Variants in NKAIN3 observed in about 807,000 individuals in gnomAD.
NKAIN3 encodes sodium/potassium-transporting ATPase subunit beta-1-interacting protein 3.
NKAIN3 carries 25 observed loss-of-function variants against 30.2 expected under a neutral mutation model. The observed-to-expected ratio is 0.83, with a 90% CI of 0.60 to 1.16. The LOEUF is 1.16. Ranked by LOEUF, NKAIN3 falls within the 50% of genes most tolerant of loss-of-function variation. The pLI is 0.00. For missense variants in NKAIN3, 225 were observed against 254.1 expected (o/e 0.89, Z 0.78); for synonymous variants, 91 against 89.6 (o/e 1.02, Z -0.09).
chr8:62,467,319 G>A (rs10957225), intron 1 of NKAIN3, among the ~76,000 whole-genome samples: 27,829 of 152,090 alleles, frequency 0.18, 2,674 homozygotes, highest in African/African-American at 0.21. Context: ...GAAAAGAAAA[G>A]TTGGAGAAAT....
At chr8:62,770,136 C>G (rs763762803) in intron 4 of NKAIN3, among the ~76,000 whole-genome samples, 1 of 152,158 alleles carries the variant, frequency 6.6e-6, no homozygotes, top group Non-Finnish European at 1.5e-5. Flanking sequence ...CTAGGAGGAG[C>G]CTGCACATCT....
At chr8:62,929,194 C>T (rs746661776) in intron 5 of NKAIN3, among the ~76,000 whole-genome samples, 16 of 152,220 alleles carry the variant, frequency 1.1e-4, no homozygotes, top group Non-Finnish European at 1.5e-4. Flanking sequence ...ACCAAATGGT[C>T]GAAGAGATGA....
chr8:62,854,831 G>T (rs1321546031), intron 4 of NKAIN3, among the ~76,000 whole-genome samples: 2 of 152,098 alleles, frequency 1.3e-5, no homozygotes, highest in African/African-American at 4.8e-5. Flanking sequence ...GTAATGGCTG[G>T]TAACGATTTT....
intron 2 of NKAIN3, among the ~76,000 whole-genome samples, chr8:62,583,528 T>C (rs1035517792): frequency 6.6e-6 from 1 of 152,178 alleles, no homozygotes; most frequent in Non-Finnish European, 1.5e-5. Context: ...CTCATAAATA[T>C]CCTACAGGGC....
At chr8:62,394,118 A>G (rs1265974072) in intron 1 of NKAIN3, among the ~76,000 whole-genome samples, 2 of 152,154 alleles carry the variant, frequency 1.3e-5, no homozygotes, top group African/African-American at 4.8e-5. Context: ...GAGAGTGGAC[A>G]TTCTTTGCCT....
chr8:62,390,350 A>G (rs1390125467), intron 1 of NKAIN3, among the ~76,000 whole-genome samples: 1 of 152,142 alleles, frequency 6.6e-6, no homozygotes, highest in Non-Finnish European at 1.5e-5. Flanking sequence ...GCCGGCTCCA[A>G]CCATGTTCCT....
chr8:62,689,934 C>G (rs1813911682), intron 3 of NKAIN3, among the ~76,000 whole-genome samples: 1 of 150,070 alleles, frequency 6.7e-6, no homozygotes, highest in Non-Finnish European at 1.5e-5. Flanking sequence ...GGCTCCTTGG[C>G]CACCGCACTG....
intron 4 of NKAIN3, among the ~76,000 whole-genome samples, chr8:62,891,806 T>C (rs1272871880): frequency 2.0e-5 from 3 of 152,192 alleles, no homozygotes; most frequent in Admixed American, 6.6e-5. Context: ...TCTTTCTCCT[T>C]CTTTTCTCTT....
At chr8:62,763,439 T>G (rs1365786822) in intron 4 of NKAIN3, among the ~76,000 whole-genome samples, 1 of 152,070 alleles carries the variant, frequency 6.6e-6, no homozygotes, top group Non-Finnish European at 1.5e-5. Context: ...ACAAGAAAGC[T>G]ACAGGGAAGT....
chr8:62,297,174 A>G (rs561415703), intron 1 of NKAIN3, among the ~76,000 whole-genome samples: 6 of 152,180 alleles, frequency 3.9e-5, no homozygotes, highest in Non-Finnish European at 8.8e-5. Context: ...AATTAATTCA[A>G]GATGGATTAA....
intron 1 of NKAIN3, among the ~76,000 whole-genome samples, chr8:62,456,348 A>C (rs910899801): frequency 6.6e-6 from 1 of 151,872 alleles, no homozygotes; most frequent in Non-Finnish European, 1.5e-5. Flanking sequence ...GTGAAACCCC[A>C]TCTCTACTAA....
intron 3 of NKAIN3, among the ~76,000 whole-genome samples, chr8:62,741,428 C>A (rs11990642): frequency 0.028 from 3,435 of 122,726 alleles, 111 homozygotes; most frequent in African/African-American, 0.089. Flanking sequence ...GGAAGGCAGG[C>A]AAGCAAGCAA....
At chr8:62,337,302 G>T (rs1025021141) in intron 1 of NKAIN3, among the ~76,000 whole-genome samples, 5 of 151,974 alleles carry the variant, frequency 3.3e-5, no homozygotes, top group African/African-American at 1.2e-4. Context: ...GCCCGGAAAT[G>T]GTATCAGATA....
At chr8:62,301,368 G>A (rs1201006560) in intron 1 of NKAIN3, among the ~76,000 whole-genome samples, 2 of 152,030 alleles carry the variant, frequency 1.3e-5, no homozygotes, top group Non-Finnish European at 2.9e-5. Flanking sequence ...GGTTCAGAGA[G>A]GCTCTAGCAC....
chr8:62,840,392 T>C (rs1563587588), intron 4 of NKAIN3, among the ~76,000 whole-genome samples: 1 of 149,584 alleles, frequency 6.7e-6, no homozygotes, highest in African/African-American at 2.5e-5. Context: ...ACCTTTCCTT[T>C]TGAGCTTGAT....
rs1472477684 is a variant in NKAIN3, at chr8:62,982,574, G to GTA, written c.*17170_*17171dup. 3.9e-5 allele frequency: 6 copies of GTA among 152,136 alleles called. No individual in the cohort carries two copies. The highest frequency in any genetic ancestry group is 8.8e-5 in the Non-Finnish European group (6 of 68,024). The allele number at this position is 152,136 out of a possible 1,614,324, so 9.4% of individuals were successfully genotyped here. ...ATGCATGTTCTGAATAGGAGCTATG[G>GTA]TATAATGAGATGCTATCTCTGGAAA... On this transcript the variant is annotated 3_prime_UTR_variant, in exon 7 of 7. Coordinates refer to ENST00000623646, the MANE Select transcript of NKAIN3 (RefSeq NM_001304533.3).
chr8:62,556,961 G>T (rs1809417467), intron 1 of NKAIN3, among the ~76,000 whole-genome samples: 1 of 151,874 alleles, frequency 6.6e-6, no homozygotes, highest in Non-Finnish European at 1.5e-5. Context: ...ATTTCGGTAG[G>T]TTATTGAGGA....
chr8:62,925,441 A>C (rs1476343977), intron 5 of NKAIN3, among the ~76,000 whole-genome samples: 1 of 152,208 alleles, frequency 6.6e-6, no homozygotes, highest in African/African-American at 2.4e-5. Context: ...AATTTTCCAG[A>C]GCAAAAGCAT....
At chr8:62,903,713 G>C (rs534907939) in intron 4 of NKAIN3, among the ~76,000 whole-genome samples, 2 of 152,264 alleles carry the variant, frequency 1.3e-5, no homozygotes, top group South Asian at 4.1e-4. Flanking sequence ...CCAAGACTGG[G>C]TAATTTATAA....
Sources: allele counts gnomAD v4.1 joint callset (sites outside exome capture counted in the v4.1 genomes callset), GRCh38; gene constraint gnomAD v4.1.1; transcripts MANE v1.5; gene names NCBI Gene and HGNC (gene_info 2026-07-23, HGNC 2026-07-21).